ICA1: variants seen among roughly 807,000 people sequenced by gnomAD.
The protein encoded by ICA1 is 69 kDa islet cell autoantigen.
ICA1 carries 40 observed loss-of-function variants against 71.0 expected under a neutral mutation model. The ratio of observed to expected loss-of-function variants is 0.56; its 90% CI spans 0.44 to 0.73. The LOEUF is 0.73. Among genes scored for constraint, ICA1 ranks in the 30% least tolerant of loss-of-function variants. The probability of loss-of-function intolerance (pLI) is 0.00; values close to 1 mark genes in which losing one functional copy is unlikely to be tolerated. For missense variants in ICA1, 578 were observed against 576.5 expected, an observed-to-expected ratio of 1.00 and a Z score of -0.03; for synonymous variants, 207 against 209.5, an observed-to-expected ratio of 0.99 and a Z score of 0.10.
intron 12 of ICA1, among the ~76,000 whole-genome samples, chr7:8,129,794 T>C (rs13437912): frequency 0.48 from 71,699 of 150,438 alleles, 17,551 homozygotes; most frequent in African/African-American, 0.59. Context: ...TGCTGGTGTG[T>C]TGCACCCATT....
At chr7:8,255,827 T>C (rs1809953674) in intron 1 of ICA1, among the ~76,000 whole-genome samples, 1 of 143,404 alleles carries the variant, frequency 7.0e-6, no homozygotes, top group African/African-American at 2.7e-5. Flanking sequence ...CAGGCTGGAG[T>C]GCAGTGGCAC....
chr7:8,212,836 G>C (rs1794247864), intron 6 of ICA1, among the ~76,000 whole-genome samples: 1 of 152,076 alleles, frequency 6.6e-6, no homozygotes, highest in Middle Eastern at 3.2e-3. Flanking sequence ...AAATGGTCTT[G>C]GCTTCACCCT....
Position 8,173,043 on chromosome 7 carries a change from T to TGAA in ICA1, c.580-14392_580-14391insTTC, listed in dbSNP as rs1808975352. Among the ~76,000 whole-genome samples, 1 of 152,234 alleles carries TGAA rather than the reference T, an allele frequency of 6.6e-6. No individual in the cohort carries two copies. Among genetic ancestry groups the TGAA allele is most frequent in the Non-Finnish European group, 1.5e-5 (1 of 68,042 alleles). On this transcript the variant is annotated intron_variant, in intron 6 of 13. Transcript: ENST00000402384. The surrounding 1 kb of genome is among the most constrained non-coding windows in gnomAD (Gnocchi z 4.0). ...AGGGGCTTAGTTGCTTTGCTTTCTT[T>TGAA]GCTTTCCCTATTAAGATTTAATCAT...
rs902133293 is a variant in ICA1 at position 8,236,045 on chromosome 7, T to A, written c.-79-40A>T. ...ATATGTTTAATAGTTACACACCATATTATAGTTACATATTAATGTGACACA... is the reference window on the plus strand; with the variant it reads ...ATATGTTTAATAGTTACACACCATAATATAGTTACATATTAATGTGACACA... On this transcript the variant is annotated intron_variant, in intron 1 of 13. Coordinates refer to ENST00000402384, the MANE Select transcript of ICA1 (RefSeq NM_001136020.3). 5 of 1,060,232 alleles carry A rather than the reference T, an allele frequency of 4.7e-6. No homozygotes were observed. In the African/African-American group the frequency reaches 8.0e-5, roughly 17 times the overall value. The allele number at this position is 1,060,232 out of a possible 1,614,324, so 65.7% of individuals were successfully genotyped here.
Position 8,141,837 on chromosome 7 carries a change from T to G in ICA1, c.903-20A>C, listed in dbSNP as rs1418016807. The G allele has an allele frequency of 2.6e-6, 4 of 1,522,592 alleles. No individual in the cohort carries two copies. The highest frequency in any genetic ancestry group is 1.2e-5 in the South Asian group (1 of 85,366). 94.3% of individuals were successfully genotyped at this position (1,522,592 alleles called of 1,614,324 possible). A position where few individuals can be genotyped will look rare whatever the true frequency, so the allele number is the denominator to read the frequency against. Reference sequence around the variant, plus strand: ...ATTAATCTTAAAATAAAAAAGAGGTTTAGTCATCAACTTCTACCAATGTTA... The same window carrying G: ...ATTAATCTTAAAATAAAAAAGAGGTGTAGTCATCAACTTCTACCAATGTTA... On this transcript the variant is annotated intron_variant, in intron 9 of 13. Coordinates refer to ENST00000402384, the MANE Select transcript of ICA1 (RefSeq NM_001136020.3).
intron 1 of ICA1, among the ~76,000 whole-genome samples, chr7:8,252,607 C>T (rs1808563656): frequency 6.6e-6 from 1 of 151,404 alleles, no homozygotes; most frequent in Non-Finnish European, 1.5e-5. Flanking sequence ...ATTTTGAAGA[C>T]TTAGTAACAA....
intron 6 of ICA1, among the ~76,000 whole-genome samples, chr7:8,204,650 T>C (rs1790881723): frequency 6.6e-6 from 1 of 152,248 alleles, no homozygotes; most frequent in African/African-American, 2.4e-5. Flanking sequence ...GGAGTTTAAA[T>C]ATCTGCTGTG....
chr7:8,259,357 C>A (rs112049677), intron 1 of ICA1, among the ~76,000 whole-genome samples: 1 of 152,128 alleles, frequency 6.6e-6, no homozygotes, highest in Non-Finnish European at 1.5e-5. Context: ...CCCACTGGAA[C>A]AAATTAGATT....
intron 13 of ICA1, among the ~76,000 whole-genome samples, chr7:8,124,296 T>C (rs561366816): frequency 3.3e-5 from 5 of 150,656 alleles, no homozygotes; most frequent in African/African-American, 4.9e-5. Context: ...AATTTTTGTA[T>C]TTTTAGTAGA....
chr7:8,138,197 T>G (rs34494125), intron 12 of ICA1, among the ~76,000 whole-genome samples: 17,080 of 152,236 alleles, frequency 0.11, 1,142 homozygotes, highest in Non-Finnish European at 0.16. Context: ...GATTCTCTTT[T>G]GGGAGGTTAT....
At chr7:8,211,656 A>C (rs1793832650) in intron 6 of ICA1, among the ~76,000 whole-genome samples, 1 of 152,262 alleles carries the variant, frequency 6.6e-6, no homozygotes, top group South Asian at 2.1e-4. Context: ...CTGGACACTT[A>C]AAAATGGCTA....
intron 6 of ICA1, among the ~76,000 whole-genome samples, chr7:8,169,909 T>TGTGTGTG (rs1445897912): frequency 6.6e-6 from 1 of 151,548 alleles, no homozygotes; most frequent in East Asian, 1.9e-4. Flanking sequence ...TGAGTGTGTG[T>TGTGTGTG]GTGTGTGTGT....
chr7:8,209,750 A>AG (rs201992914), intron 6 of ICA1, among the ~76,000 whole-genome samples: 4 of 152,114 alleles, frequency 2.6e-5, no homozygotes, highest in Non-Finnish European at 5.9e-5. Context: ...AGGCTCCCTG[A>AG]GGGTCACGTG....
intron 6 of ICA1, among the ~76,000 whole-genome samples, chr7:8,171,369 G>A (rs986654821): frequency 6.6e-6 from 1 of 151,770 alleles, no homozygotes; most frequent in Non-Finnish European, 1.5e-5. Flanking sequence ...GTGAATTTTG[G>A]TAGCTTGTCT....
chr7:8,241,327 T>C (rs927920369), intron 1 of ICA1, among the ~76,000 whole-genome samples: 2 of 152,172 alleles, frequency 1.3e-5, no homozygotes, highest in Non-Finnish European at 2.9e-5. Flanking sequence ...GCTTCATAAG[T>C]GAAGGAGAAA....
intron 6 of ICA1, among the ~76,000 whole-genome samples, chr7:8,165,831 C>T (rs1221538643): frequency 6.6e-6 from 1 of 152,288 alleles, no homozygotes; most frequent in East Asian, 1.9e-4. Context: ...TGCAAAATTT[C>T]TACAGTGAGA....
chr7:8,256,368 C>A (rs1810178038), intron 1 of ICA1, among the ~76,000 whole-genome samples: 1 of 152,122 alleles, frequency 6.6e-6, no homozygotes, highest in South Asian at 2.1e-4. Context: ...CCCTTCCCCC[C>A]AAATCTTACT....
intron 6 of ICA1, among the ~76,000 whole-genome samples, chr7:8,187,885 C>T (rs1784382253): frequency 6.6e-6 from 1 of 152,202 alleles, no homozygotes; most frequent in African/African-American, 2.4e-5. Context: ...TATGGGACCA[C>T]CATCATAAAA....
At chr7:8,184,194 A>G (rs1783164809) in intron 6 of ICA1, among the ~76,000 whole-genome samples, 1 of 152,184 alleles carries the variant, frequency 6.6e-6, no homozygotes. Flanking sequence ...TCAAACAGAA[A>G]AGTGCTCAGG....
Sources: allele counts gnomAD v4.1 joint callset (sites outside exome capture counted in the v4.1 genomes callset), GRCh38; gene constraint gnomAD v4.1.1; non-coding constraint Gnocchi (gnomAD v3.1); transcripts MANE v1.5; gene names NCBI Gene and HGNC (gene_info 2026-07-23, HGNC 2026-07-21).